GMDS: variants seen among roughly 807,000 people sequenced by gnomAD.
GMDS encodes the protein GDP-mannose 4,6-dehydratase.
In GMDS, 20 loss-of-function variants were observed where a neutral mutation model predicts 49.9. That is an observed-to-expected ratio of 0.40 (90% CI 0.28 to 0.58). The LOEUF (loss-of-function observed/expected upper bound fraction) is 0.58. Among genes scored for constraint, GMDS ranks in the 20% least tolerant of loss-of-function variants. The probability of loss-of-function intolerance (pLI) is 0.42; values close to 1 mark genes in which losing one functional copy is unlikely to be tolerated. For synonymous variants in GMDS, 177 were observed against 178.6 expected, an observed-to-expected ratio of 0.99 and a Z score of 0.07; for missense variants, 362 against 481.4, an observed-to-expected ratio of 0.75 and a Z score of 2.32.
intron 7 of GMDS, among the ~76,000 whole-genome samples, chr6:1,750,772 T>A (rs1767690848): frequency 6.6e-6 from 1 of 152,154 alleles, no homozygotes; most frequent in African/African-American, 2.4e-5. Context: ...CCAAGTTGTC[T>A]TGCTCAGCAG....
intron 6 of GMDS, among the ~76,000 whole-genome samples, chr6:1,933,310 T>C (rs1278402116): frequency 6.6e-6 from 1 of 152,254 alleles, no homozygotes; most frequent in African/African-American, 2.4e-5. Flanking sequence ...CCTCCATCCT[T>C]TGCCTTTTGT....
At chr6:2,125,856 A>C (rs1020859489) in intron 1 of GMDS, among the ~76,000 whole-genome samples, 6 of 152,230 alleles carry the variant, frequency 3.9e-5, no homozygotes, top group Admixed American at 3.9e-4. Context: ...GATGGGGATC[A>C]GATTTGTATT....
intron 4 of GMDS, among the ~76,000 whole-genome samples, chr6:2,091,769 G>A (rs1773322387): frequency 6.6e-6 from 1 of 152,002 alleles, no homozygotes; most frequent in Admixed American, 6.6e-5. Flanking sequence ...CAGGTATAGT[G>A]ATGCACAGCT....
rs142261297 is a variant in GMDS, at chr6:2,118,941, T to C, written c.148-1385A>G. The stretch of plus-strand genomic sequence containing the variant: ...TTCAGGTTGCTACTTAATTGTAAAG[T>C]TGAACTGCTCTATAAACTTAATTTT... On this transcript the variant is annotated intron_variant, in intron 2 of 10. Coordinates refer to ENST00000380815, the MANE Select transcript of GMDS (RefSeq NM_001500.4). Among the ~76,000 whole-genome samples, 104 of 152,322 alleles carry C rather than the reference T, an allele frequency of 6.8e-4. No homozygotes were observed. In the Middle Eastern group the frequency reaches 0.014, roughly 20 times the overall value.
intron 1 of GMDS, among the ~76,000 whole-genome samples, chr6:2,235,565 A>G (rs1781318003): frequency 6.6e-6 from 1 of 151,958 alleles, no homozygotes; most frequent in South Asian, 2.1e-4. Context: ...CAGCACTTGG[A>G]GAGGTTGAGA....
At chr6:2,182,196 T>C (rs908425343) in intron 1 of GMDS, among the ~76,000 whole-genome samples, 49 of 152,230 alleles carry the variant, frequency 3.2e-4, no homozygotes. Flanking sequence ...AATTCTATTA[T>C]ATGATGGTTG....
chr6:2,107,834 A>C (rs73716951), intron 4 of GMDS, among the ~76,000 whole-genome samples: 4,183 of 152,328 alleles, frequency 0.027, 181 homozygotes, highest in African/African-American at 0.095. Flanking sequence ...ATTAGGTCTA[A>C]ATGCAAACAT....
chr6:1,845,569 T>C (rs1055905015), intron 7 of GMDS, among the ~76,000 whole-genome samples: 17 of 151,730 alleles, frequency 1.1e-4, no homozygotes, highest in Non-Finnish European at 1.5e-4. Context: ...CAGGGTACCC[T>C]TCCTCTGAAT....
intron 7 of GMDS, among the ~76,000 whole-genome samples, chr6:1,829,290 T>C (rs934493218): frequency 1.3e-4 from 20 of 152,384 alleles, no homozygotes; most frequent in African/African-American, 4.6e-4. Flanking sequence ...TATAGGAAGA[T>C]ACGTGTGTGT....
At chr6:1,807,840 C>T (rs939404409) in intron 7 of GMDS, among the ~76,000 whole-genome samples, 1 of 152,000 alleles carries the variant, frequency 6.6e-6, no homozygotes, top group East Asian at 1.9e-4. Flanking sequence ...AGGATTAAGG[C>T]AAATATTTCT....
At chr6:2,165,651 T>C (rs1562113171) in intron 1 of GMDS, among the ~76,000 whole-genome samples, 1 of 152,262 alleles carries the variant, frequency 6.6e-6, no homozygotes, top group Non-Finnish European at 1.5e-5. Context: ...ATAGTATGTT[T>C]ATCTCATAAT....
rs1379955207 is a variant in GMDS, at chr6:2,088,013, T to C, written c.345+27758A>G. ...TTTTGACTTAACAATTAATTCAGCA[T>C]TTACTTATTTTATTTGTCTACAAAG... is the stretch of plus-strand genomic sequence containing the variant. On this transcript the variant is annotated intron_variant, in intron 4 of 10. Transcript: ENST00000380815. 2.6e-5 allele frequency among the ~76,000 whole-genome samples: 4 copies of C among 152,122 alleles called. No individual in the cohort carries two copies. In the East Asian group the frequency reaches 7.7e-4, roughly 29 times the overall value.
intron 4 of GMDS, among the ~76,000 whole-genome samples, chr6:2,076,570 C>T (rs536724906): frequency 1.4e-4 from 22 of 152,158 alleles, no homozygotes; most frequent in South Asian, 8.3e-4. Flanking sequence ...GAGATATAGA[C>T]CAATGGAACA....
intron 6 of GMDS, among the ~76,000 whole-genome samples, chr6:1,940,995 G>T (rs1762797057): frequency 6.6e-6 from 1 of 152,028 alleles, no homozygotes; most frequent in African/African-American, 2.4e-5. Flanking sequence ...CCCCCTGGGG[G>T]GACAAAACTG....
chr6:1,779,806 A>G (rs1322944414), intron 7 of GMDS, among the ~76,000 whole-genome samples: 3 of 152,254 alleles, frequency 2.0e-5, no homozygotes, highest in Non-Finnish European at 4.4e-5. Context: ...TAACTGAGCG[A>G]AGTGTCTGTG....
intron 7 of GMDS, among the ~76,000 whole-genome samples, chr6:1,826,343 G>A (rs1198747168): frequency 1.3e-5 from 2 of 152,150 alleles, no homozygotes; most frequent in South Asian, 2.1e-4. Context: ...TGTGGTGCAC[G>A]ACTATATCTT....
At chr6:2,074,033 A>G (rs371352934) in intron 4 of GMDS, among the ~76,000 whole-genome samples, 8 of 152,296 alleles carry the variant, frequency 5.3e-5, no homozygotes, top group African/African-American at 1.7e-4. Flanking sequence ...TAGATGCCCA[A>G]TAGTAGAATT....
At chr6:1,910,172 A>G (rs1371713365) in intron 7 of GMDS, among the ~76,000 whole-genome samples, 1 of 152,186 alleles carries the variant, frequency 6.6e-6, no homozygotes, top group Admixed American at 6.5e-5. Context: ...GAAAATTTAA[A>G]ATTATATAAC....
intron 1 of GMDS, among the ~76,000 whole-genome samples, chr6:2,174,468 C>A (rs748877130): frequency 3.9e-5 from 6 of 152,218 alleles, no homozygotes; most frequent in African/African-American, 7.2e-5. Context: ...TTTTTTAAAA[C>A]TTTATTTTTT....
Sources: gnomAD v4.1 joint callset for allele counts (sites outside exome capture counted in the v4.1 genomes callset) on GRCh38, gnomAD v4.1.1 for gene constraint, MANE v1.5 for transcripts, NCBI Gene and HGNC (gene_info 2026-07-23, HGNC 2026-07-21) for gene names.